Variants in AP4M1 observed in about 807,000 individuals in gnomAD.
The protein encoded by AP4M1 is AP-4 complex subunit mu-1.
AP4M1 carries 58 observed loss-of-function variants against 62.4 expected under a neutral mutation model. The observed-to-expected ratio is 0.93, with a 90% CI of 0.75 to 1.16. The LOEUF (loss-of-function observed/expected upper bound fraction) is 1.16, where lower values mean the gene tolerates loss of function less well. AP4M1 is among the 50% of genes most tolerant of loss of function. The pLI is 0.00. For missense variants in AP4M1, 626 were observed against 585.4 expected (o/e 1.07, Z -0.72); for synonymous variants, 290 against 239.7 (o/e 1.21, Z -1.94).
chr7:100,102,001 G>A, intron 2 of AP4M1, 33 bp downstream of exon 2: 2 of 1,611,154 alleles, frequency 1.2e-6, no homozygotes, highest in Non-Finnish European at 1.7e-6. Context: ...TGAGGAGCGG[G>A]GTCCCGTCGG....
At chr7:100,100,944 C>G, upstream of AP4M1, 1 of 1,018,772 alleles carries the variant, frequency 9.8e-7, no homozygotes, top group Non-Finnish European at 1.3e-6. Flanking sequence ...GAGCCCAGAG[C>G]CCTTAAGACT....
chr7:100,103,166 G>C (rs1287455827), intron 4 of AP4M1: 3 of 654,430 alleles, frequency 4.6e-6, no homozygotes, highest in African/African-American at 1.8e-5. Context: ...GGAACTCCTG[G>C]GCTCAAGCCG....
At chr7:100,101,297 C>CCGA (rs1453261930), upstream of AP4M1, 1 of 1,613,262 alleles carries the variant, frequency 6.2e-7, no homozygotes. Flanking sequence ...AGTGCCATCG[C>CCGA]TGCCGAGGGC....
chr7:100,106,096 A>G, intron 12 of AP4M1, 93 bp downstream of exon 12: 1 of 1,557,138 alleles, frequency 6.4e-7, no homozygotes, highest in Non-Finnish European at 8.9e-7. Context: ...TGCAGCTGCC[A>G]GCCTCAGAAG....
At position 100,103,685 on chromosome 7, in the gene AP4M1, C is replaced by A; in HGVS notation, c.536C>A (p.Ser179Tyr). The change falls in exon 6 of 15, where the codon TCT (serine) becomes TAT (tyrosine). Residue 179 changes from serine to tyrosine, a missense_variant. Physicochemically the swap from Ser to Tyr is moderately radical, Grantham distance 144. Transcript: ENST00000359593. ...AASRPVLSSR[S>Y]DQSQKNEVFL... is the part of the protein sequence containing the mutation. ...AGCCGCCCCGTCCTGTCCAGTCGCT[C>A]TGACCAGGTGAGGGAAGGATCCATG... is the stretch of plus-strand genomic sequence containing the variant. 6.2e-7 allele frequency: 1 copy of A among 1,612,382 alleles called. No homozygotes were observed. The highest frequency in any genetic ancestry group is 8.5e-7 in the Non-Finnish European group (1 of 1,179,982).
rs533770435 is a variant in AP4M1 at position 100,107,691 on chromosome 7, C to T, written c.*809C>T. ...CTGCCCCCCAGAGGCCTGGCGAGGA[C>T]GCTTCACTCGCTCCCTGCCTGAACA... On this transcript the variant is annotated 3_prime_UTR_variant, in exon 15 of 15. Coordinates refer to ENST00000359593, the MANE Select transcript of AP4M1 (RefSeq NM_004722.4). 206 of 1,567,224 alleles carry T rather than the reference C, an allele frequency of 1.3e-4. No individual in the cohort carries two copies. In the African/African-American group the frequency reaches 1.7e-3, roughly 13 times the overall value.
At chr7:100,105,147 G>T in intron 9 of AP4M1, 49 bp downstream of exon 9, 1 of 1,613,280 alleles carries the variant, frequency 6.2e-7, no homozygotes. Flanking sequence ...CATTGCCAGA[G>T]TTCATGGAGA....
chr7:100,108,547 A>G lies in AP4M1; in HGVS notation c.*1665A>G. On this transcript the variant is annotated 3_prime_UTR_variant, in exon 15 of 15. Transcript: ENST00000359593. ...GAACAGGAGCACAGTGTTTCTGCAG[A>G]ACAGAAAAAAAGCCAGGTAGAGGGA... The G allele has an allele frequency of 1.3e-6, 2 of 1,588,468 alleles. No homozygotes were observed. Among genetic ancestry groups the G allele is most frequent in the Non-Finnish European group, 1.7e-6 (2 of 1,162,036 alleles).
chr7:100,100,914 G>A (rs894622017), upstream of AP4M1: 2 of 1,046,670 alleles, frequency 1.9e-6, no homozygotes, highest in Non-Finnish European at 2.3e-6. Flanking sequence ...GCCCAAAAGC[G>A]CGAAGGAAAG....
Position 100,102,883 on chromosome 7 carries a change from G to T in AP4M1, c.274G>T (p.Asp92Tyr). Residue 92 changes from aspartate to tyrosine, a missense_variant, in exon 4 of 15, where the codon GAT (aspartate) becomes TAT (tyrosine). By Grantham distance (160) the Asp-to-Tyr change is radical. Coordinates refer to ENST00000359593, the MANE Select transcript of AP4M1 (RefSeq NM_004722.4). ...LLSRLATLLG[D>Y]YCGSLGEGTI... Reference sequence around the variant, plus strand: ...CCTCAGGTTGGCCACCCTTCTGGGCGATTACTGTGGCTCCCTGGGCGAGGG... The same window carrying T: ...CCTCAGGTTGGCCACCCTTCTGGGCTATTACTGTGGCTCCCTGGGCGAGGG... 6.2e-7 allele frequency: 1 copy of T among 1,614,062 alleles called. No homozygotes were observed. The highest frequency in any genetic ancestry group is 1.7e-4 in the Middle Eastern group (1 of 6,060).
Position 100,103,427 on chromosome 7 carries a change from A to C in AP4M1, c.370A>C (p.Thr124Pro). The C allele has an allele frequency of 6.2e-7, 1 of 1,614,054 alleles. No homozygotes were observed. The highest frequency in any genetic ancestry group is 8.5e-7 in the Non-Finnish European group (1 of 1,179,972). ...DEVLDYGYVQ[T>P]TSTEMLRNFI... is the part of the protein sequence containing the mutation. ...CCACTAGGACTATGGCTATGTACAG[A>C]CCACATCCACGGAGATGCTGAGGAA... is the stretch of plus-strand genomic sequence containing the variant. The change falls in exon 5 of 15, where the codon ACC becomes CCC. Residue 124 changes from threonine to proline, a missense_variant. By Grantham distance (38) the Thr-to-Pro change is conservative (BLOSUM62 -1). Coordinates refer to ENST00000359593, the MANE Select transcript of AP4M1 (RefSeq NM_004722.4).
chr7:100,105,184 T>A (rs1457403733), intron 9 of AP4M1, 56 bp from the exon 10 acceptor site: 1 of 1,612,290 alleles, frequency 6.2e-7, no homozygotes, highest in African/African-American at 1.3e-5. Flanking sequence ...TCCCCTCTCC[T>A]TGCTCCTCTC....
At chr7:100,105,815 A>G (rs1796422485) in intron 11 of AP4M1, 144 bp from the exon 12 acceptor site, 2 of 1,035,460 alleles carry the variant, frequency 1.9e-6, no homozygotes, top group Non-Finnish European at 3.0e-6. Flanking sequence ...GCTTTGGCTA[A>G]TGGAGTTGGG....
intron 14 of AP4M1, 48 bp downstream of exon 14, chr7:100,106,562 G>C: frequency 5.9e-6 from 9 of 1,514,836 alleles, no homozygotes; most frequent in East Asian, 2.3e-5. Flanking sequence ...TTCACTTGCA[G>C]CCCCCACCCC....
chr7:100,101,133 C>A, upstream of AP4M1: 1 of 1,166,158 alleles, frequency 8.6e-7, no homozygotes, highest in South Asian at 1.3e-5. Context: ...GGCCGCAGCT[C>A]GACCCTGCCT....
rs766104748 is a variant in AP4M1 at position 100,101,944 on chromosome 7, A to C, written c.123A>C (p.Pro41=). The part of the protein sequence containing the change: ...ELFYRKLTGL[P]GDESPVVMHH... Reference sequence around the variant, plus strand: ...TCTACCGGAAGCTGACGGGACTGCCAGGAGACGAGTCCCCGGTTGTCATGG... The same window carrying C: ...TCTACCGGAAGCTGACGGGACTGCCCGGAGACGAGTCCCCGGTTGTCATGG... The change falls in exon 2 of 15, where the codon CCA becomes CCC. Residue 41 remains proline, a synonymous_variant. Coordinates refer to ENST00000359593, the MANE Select transcript of AP4M1 (RefSeq NM_004722.4). 3.1e-6 allele frequency: 5 copies of C among 1,613,112 alleles called. No individual in the cohort carries two copies. Among genetic ancestry groups the C allele is most frequent in the Admixed American group, 3.3e-5 (2 of 60,002 alleles).
In AP4M1 at chr7:100,104,860, C is replaced by A; in HGVS notation, c.607-14C>A. On this transcript the variant is annotated splice_polypyrimidine_tract_variant and intron_variant, in intron 7 of 14. Transcript: ENST00000359593. Reference sequence around the variant, plus strand: ...AGAAAAAAAGACTCTAACCTTGACGCCCCTGCCTCTCAGGGATCCCTGCTG... The same window carrying A: ...AGAAAAAAAGACTCTAACCTTGACGACCCTGCCTCTCAGGGATCCCTGCTG... 2 of 1,614,032 alleles carry A rather than the reference C, an allele frequency of 1.2e-6. No individual in the cohort carries two copies. The highest frequency in any genetic ancestry group is 1.7e-6 in the Non-Finnish European group (2 of 1,179,964).
At position 100,105,541 on chromosome 7, in the gene AP4M1, T is replaced by G; in HGVS notation, c.929+2T>G. The G allele has an allele frequency of 6.2e-7, 1 of 1,611,864 alleles. No homozygotes were observed. The highest frequency in any genetic ancestry group is 8.5e-7 in the Non-Finnish European group (1 of 1,179,464). The stretch of plus-strand genomic sequence containing the variant: ...GCAGTGGGACCGAGGCTCAGGCCGG[T>G]GAGACAATTTCCTGGGTTCTAGAAC... On this transcript the variant is annotated splice_donor_variant, in intron 11 of 14. Transcript: ENST00000359593. LOFTEE classifies it high-confidence loss of function.
chr7:100,101,301 C>G (rs1241434529), upstream of AP4M1: 2 of 1,613,130 alleles, frequency 1.2e-6, no homozygotes, highest in Admixed American at 3.3e-5. Flanking sequence ...CCATCGCTGC[C>G]GAGGGCCGTG....
Sources: allele counts gnomAD v4.1 joint callset, GRCh38; gene constraint gnomAD v4.1.1; transcripts MANE v1.5; gene names NCBI Gene and HGNC (gene_info 2026-07-23, HGNC 2026-07-21).